Variants in DNAH11 observed in about 807,000 individuals in gnomAD.
The protein encoded by DNAH11 is dynein axonemal heavy chain 11, also known as axonemal beta dynein heavy chain 11.
In DNAH11, 442 loss-of-function variants were observed where a neutral mutation model predicts 526.0. The observed-to-expected ratio is 0.84, with a 90% CI of 0.78 to 0.91. The LOEUF is 0.91. Ranked by LOEUF, DNAH11 falls within the 40% of genes least tolerant of loss-of-function variation. The pLI is 0.00. For synonymous variants in DNAH11, 2,461 were observed against 1,935.9 expected, an observed-to-expected ratio of 1.27 and a Z score of -7.12; for missense variants, 6,989 against 5,448.7, an observed-to-expected ratio of 1.28 and a Z score of -8.90.
intron 54 of DNAH11, among the ~76,000 whole-genome samples, chr7:21,754,724 G>C (rs1786554887): frequency 6.6e-6 from 1 of 152,088 alleles, no homozygotes; most frequent in Non-Finnish European, 1.5e-5. Context: ...TCCCACTTCT[G>C]ATCCCCTTTG....
At chr7:21,866,713 A>G (rs1048030677) in intron 71 of DNAH11, 50 bp downstream of exon 71, 6 of 1,539,774 alleles carry the variant, frequency 3.9e-6, no homozygotes, top group Non-Finnish European at 5.3e-6. Context: ...CATAGAGGAA[A>G]TGTAGTCTGA....
At chr7:21,667,944 T>G (rs1240148826) in intron 30 of DNAH11, among the ~76,000 whole-genome samples, 1 of 152,172 alleles carries the variant, frequency 6.6e-6, no homozygotes, top group Non-Finnish European at 1.5e-5. Flanking sequence ...GGGCACTCCT[T>G]CCTAAATAGG....
Position 21,698,293 on chromosome 7 carries a change from T to C in DNAH11, c.6180+80T>C, listed in dbSNP as rs570645042. ...TGAAGTATGGATTTTAGGTAATTTA[T>C]CATTCAAATTACATTAGACATTAAA... On this transcript the variant is annotated intron_variant, in intron 36 of 81. Transcript: ENST00000409508. The C allele has an allele frequency of 2.4e-5, 38 of 1,558,030 alleles. 1 individual carries two copies. The South Asian group carries it at 4.4e-4, about 18-fold the overall frequency.
chr7:21,899,415 T>A lies in DNAH11; in HGVS notation c.13129T>A (p.Ser4377Thr). 6.2e-7 allele frequency: 1 copy of A among 1,613,894 alleles called. No individual in the cohort carries two copies. The highest frequency in any genetic ancestry group is 8.5e-7 in the Non-Finnish European group (1 of 1,179,792). Residue 4377 changes from serine to threonine, a missense_variant, in exon 80 of 82, where the codon TCC (serine) becomes ACC (threonine). Physicochemically the swap from Ser to Thr is moderately conservative, Grantham distance 58. Coordinates refer to ENST00000409508, the MANE Select transcript of DNAH11 (RefSeq NM_001277115.2). ...TACCCTTCCGGCTGTCGTGTGGCTC[T>A]CCGGCTTCTTCAACCCTCAGTCCTT... Reference protein sequence around the residue: ...DLTLPAVVWLSGFFNPQSFLT... With the variant: ...DLTLPAVVWLTGFFNPQSFLT...
chr7:21,549,625 A>G (rs4639414), intron 2 of DNAH11, among the ~76,000 whole-genome samples: 25,272 of 152,034 alleles, frequency 0.17, 2,438 homozygotes, highest in Non-Finnish European at 0.22. Flanking sequence ...TGGATTCTCA[A>G]TGGTGATGAG....
chr7:21,688,326 A>G (rs905115689), intron 34 of DNAH11, among the ~76,000 whole-genome samples: 3 of 152,210 alleles, frequency 2.0e-5, no homozygotes, highest in African/African-American at 7.2e-5. Context: ...AAGTACCTGG[A>G]AAAATGCCTA....
chr7:21,688,696 T>C (rs73063706), intron 34 of DNAH11, among the ~76,000 whole-genome samples: 29,729 of 152,264 alleles, frequency 0.2, 3,120 homozygotes, highest in Non-Finnish European at 0.24. Context: ...CAATAGGTTA[T>C]ACCTTCATGT....
rs759665328 is a variant in DNAH11, at chr7:21,852,609, C to T, written c.11039C>T (p.Thr3680Ile). The T allele has an allele frequency of 2.5e-6, 4 of 1,601,124 alleles. No homozygotes were observed. The highest frequency in any genetic ancestry group is 2.7e-5 in the African/African-American group (2 of 74,198). The part of the protein sequence containing the change: ...LVERLEATKT[T>I]VAEIEHKVIE... ...GAGAGATTGGAGGCAACAAAGACCACCGTGGCAGAGATAGAGCACAAGGTA... is the reference window on the plus strand; with the variant it reads ...GAGAGATTGGAGGCAACAAAGACCATCGTGGCAGAGATAGAGCACAAGGTA... The change falls in exon 67 of 82, where the codon ACC (threonine) becomes ATC (isoleucine). Residue 3680 changes from threonine to isoleucine, a missense_variant. Transcript: ENST00000409508.
intron 74 of DNAH11, among the ~76,000 whole-genome samples, chr7:21,873,784 C>CTGTT (rs1783590687): frequency 1.4e-5 from 1 of 70,700 alleles, no homozygotes; most frequent in Non-Finnish European, 2.3e-5. Context: ...GAGGAGGTTG[C>CTGTT]TTTTTTTTTT....
At chr7:21,725,021 A>C (rs1785043297) in intron 44 of DNAH11, among the ~76,000 whole-genome samples, 1 of 36,776 alleles carries the variant, frequency 2.7e-5, no homozygotes, top group Admixed American at 3.2e-4. Flanking sequence ...GGGTTTTTCT[A>C]GTTGTTGCTC....
At chr7:21,577,753 A>T (rs1049769432) in intron 8 of DNAH11, among the ~76,000 whole-genome samples, 1 of 152,196 alleles carries the variant, frequency 6.6e-6, no homozygotes, top group Non-Finnish European at 1.5e-5. Context: ...TTTAAATAAG[A>T]GTCAGAGTCT....
intron 80 of DNAH11, 104 bp downstream of exon 80, chr7:21,899,552 A>G (rs924637867): frequency 6.9e-6 from 6 of 870,840 alleles, no homozygotes; most frequent in African/African-American, 5.0e-5. Flanking sequence ...CTGCTCACCA[A>G]TCCTCAAGCA....
chr7:21,880,758 C>T lies in DNAH11; in HGVS notation c.12252C>T (p.Leu4084=). ...EQEFKSILFS[L]CYFHACVAGR... ...AGTTTAAAAGCATCCTTTTTTCTCT[C>T]TGCTACTTCCACGCCTGTGTTGCTG... The change falls in exon 75 of 82, where the codon CTC becomes CTT. Residue 4084 remains leucine (L), a synonymous_variant. Coordinates refer to ENST00000409508, the MANE Select transcript of DNAH11 (RefSeq NM_001277115.2). 1.9e-6 allele frequency: 3 copies of T among 1,613,956 alleles called. No individual in the cohort carries two copies. The highest frequency in any genetic ancestry group is 2.2e-5 in the South Asian group (2 of 91,078).
intron 10 of DNAH11, 36 bp from the exon 11 acceptor site, chr7:21,588,476 C>A: frequency 1.2e-6 from 2 of 1,609,754 alleles, no homozygotes; most frequent in Non-Finnish European, 1.7e-6. Context: ...ACTAAATGTT[C>A]CCTTTCTTCC....
chr7:21,788,635 G>A (rs187721846), intron 60 of DNAH11, among the ~76,000 whole-genome samples: 29 of 152,220 alleles, frequency 1.9e-4, no homozygotes, highest in African/African-American at 6.3e-4. Flanking sequence ...CAAACAACAT[G>A]TGCTTAAGGT....
intron 2 of DNAH11, among the ~76,000 whole-genome samples, chr7:21,547,715 C>T (rs1782857723): frequency 6.6e-6 from 1 of 152,232 alleles, no homozygotes; most frequent in Non-Finnish European, 1.5e-5. Flanking sequence ...GTCATATCCT[C>T]AGGCTGGCTG....
At chr7:21,831,613 C>G (rs1781773407) in intron 65 of DNAH11, among the ~76,000 whole-genome samples, 1 of 152,140 alleles carries the variant, frequency 6.6e-6, no homozygotes, top group Non-Finnish European at 1.5e-5. Flanking sequence ...CCTCTATTAA[C>G]CTCTCTTTTC....
At chr7:21,733,549 A>T (rs1785476769) in intron 45 of DNAH11, among the ~76,000 whole-genome samples, 1 of 152,226 alleles carries the variant, frequency 6.6e-6, no homozygotes, top group African/African-American at 2.4e-5. Context: ...GTTATCAACC[A>T]AGACTGCTGA....
intron 30 of DNAH11, among the ~76,000 whole-genome samples, chr7:21,668,874 G>A (rs1782525577): frequency 6.6e-6 from 1 of 152,112 alleles, no homozygotes; most frequent in South Asian, 2.1e-4. Context: ...CTGGATCACA[G>A]AGAAAGTGTA....
Sources: allele counts gnomAD v4.1 joint callset (sites outside exome capture counted in the v4.1 genomes callset), GRCh38; gene constraint gnomAD v4.1.1; transcripts MANE v1.5; gene names NCBI Gene and HGNC (gene_info 2026-07-23, HGNC 2026-07-21).